Variants in ZFC3H1 observed in about 807,000 individuals in gnomAD.
ZFC3H1 encodes zinc finger C3H1 domain-containing protein.
ZFC3H1 carries 71 observed loss-of-function variants against 243.7 expected under a neutral mutation model. The ratio of observed to expected loss-of-function variants is 0.29; its 90% CI spans 0.24 to 0.36. The LOEUF is 0.36. ZFC3H1 is among the 10% of genes least tolerant of loss of function. The pLI is 1.00. For synonymous variants in ZFC3H1, 838 were observed against 813.0 expected, an observed-to-expected ratio of 1.03 and a Z score of -0.52; for missense variants, 1,966 against 2,317.1, an observed-to-expected ratio of 0.85 and a Z score of 3.11.
rs1880435255 is a variant in ZFC3H1, at chr12:71,635,442, C to T, written c.2238+1G>A. On this transcript the variant is annotated splice_donor_variant, in intron 10 of 34. Coordinates refer to ENST00000378743, the MANE Select transcript of ZFC3H1 (RefSeq NM_144982.5). LOFTEE classifies it high-confidence loss of function. ...TTTCCACCTTTAATTATTGCACTTA[C>T]CTCAGCAGTTCGTCTTGCTTCTTTA... 6.4e-7 allele frequency: 1 copy of T among 1,572,106 alleles called. No homozygotes were observed. The highest frequency in any genetic ancestry group is 8.6e-7 in the Non-Finnish European group (1 of 1,165,678).
At chr12:71,642,779 G>C (rs368653520) in intron 5 of ZFC3H1, among the ~76,000 whole-genome samples, 1 of 152,162 alleles carries the variant, frequency 6.6e-6, no homozygotes, top group East Asian at 1.9e-4. Context: ...TCCAAAGTAC[G>C]AGCTATACAG....
At chr12:71,633,506 T>A in intron 12 of ZFC3H1, 68 bp from the exon 13 acceptor site, 2 of 1,331,112 alleles carry the variant, frequency 1.5e-6, no homozygotes, top group Non-Finnish European at 2.0e-6. Flanking sequence ...AATAAAAAAA[T>A]TTTCAAAGTA....
chr12:71,642,649 G>A, intron 5 of ZFC3H1, 90 bp from the exon 6 acceptor site: 2 of 1,430,328 alleles, frequency 1.4e-6, no homozygotes, highest in East Asian at 2.3e-5. Context: ...CTATGGAAGA[G>A]TATCAAAAAT....
At chr12:71,627,304 A>G (rs1880194552) in intron 21 of ZFC3H1, among the ~76,000 whole-genome samples, 1 of 152,200 alleles carries the variant, frequency 6.6e-6, no homozygotes, top group Non-Finnish European at 1.5e-5. Context: ...TGACAGAGAC[A>G]GAAAGAAAAT....
chr12:71,613,077 G>A (rs1038068408), intron 31 of ZFC3H1, among the ~76,000 whole-genome samples: 1 of 152,140 alleles, frequency 6.6e-6, no homozygotes, highest in Non-Finnish European at 1.5e-5. Context: ...TGTGTGTTTA[G>A]GGAACACAGA....
chr12:71,639,023 T>C (rs1880536521), intron 6 of ZFC3H1, among the ~76,000 whole-genome samples: 1 of 152,070 alleles, frequency 6.6e-6, no homozygotes, highest in African/African-American at 2.4e-5. Flanking sequence ...TGAGAAGAAT[T>C]ACTTAGTGTA....
intron 6 of ZFC3H1, among the ~76,000 whole-genome samples, chr12:71,638,817 A>T (rs945647051): frequency 1.3e-5 from 2 of 151,946 alleles, no homozygotes; most frequent in Non-Finnish European, 2.9e-5. Flanking sequence ...AACATACTTT[A>T]AAAAAACAAA....
chr12:71,653,394 A>C (rs1240444936), intron 2 of ZFC3H1, among the ~76,000 whole-genome samples: 1 of 152,232 alleles, frequency 6.6e-6, no homozygotes. Flanking sequence ...GAGACATGAA[A>C]GATAAAGTAT....
intron 28 of ZFC3H1, 62 bp downstream of exon 28, chr12:71,615,144 T>C (rs1879863397): frequency 7.4e-7 from 1 of 1,344,284 alleles, no homozygotes. Flanking sequence ...CACAGTGTAA[T>C]TCAGTAATAA....
intron 20 of ZFC3H1, among the ~76,000 whole-genome samples, chr12:71,628,333 T>C (rs761792106): frequency 6.6e-6 from 1 of 152,214 alleles, no homozygotes; most frequent in Non-Finnish European, 1.5e-5. Flanking sequence ...TTCTACTATA[T>C]CTAAACTAGA....
rs772116936 is a variant in ZFC3H1, at chr12:71,614,815, CAAG to C, written c.5360+16_5360+18del. 1.2e-6 allele frequency: 2 copies of C among 1,608,968 alleles called. No individual in the cohort carries two copies. Among genetic ancestry groups the C allele is most frequent in the South Asian group, 2.2e-5 (2 of 90,308 alleles). On this transcript the variant is annotated intron_variant, in intron 29 of 34. Coordinates refer to ENST00000378743, the MANE Select transcript of ZFC3H1 (RefSeq NM_144982.5). ...CTTTATCCCCAAATCTCATTCTTAT[CAAG>C]AAAACCTAAACTTACTCCATCCATA... is the stretch of plus-strand genomic sequence containing the variant.
At chr12:71,621,925 T>C (rs1357310643) in intron 24 of ZFC3H1, among the ~76,000 whole-genome samples, 2 of 152,148 alleles carry the variant, frequency 1.3e-5, no homozygotes, top group Non-Finnish European at 2.9e-5. Context: ...TTGGTTTTCC[T>C]ACCATTGGTA....
intron 19 of ZFC3H1, 108 bp downstream of exon 19, chr12:71,629,501 C>A: frequency 1.4e-6 from 1 of 718,260 alleles, no homozygotes; most frequent in Non-Finnish European, 2.3e-6. Context: ...AACATAATAC[C>A]AACAAAATTT....
Position 71,635,652 on chromosome 12 carries a change from C to T in ZFC3H1, c.2101-72G>A, listed in dbSNP as rs1472398909. The T allele has an allele frequency of 6.3e-6, 9 of 1,431,760 alleles. No individual in the cohort carries two copies. In the Middle Eastern group the frequency reaches 9.1e-4, roughly 145 times the overall value. 88.7% of individuals were successfully genotyped at this position (1,431,760 alleles called of 1,614,324 possible). A position where few individuals can be genotyped will look rare whatever the true frequency, so the allele number is the denominator to read the frequency against. On this transcript the variant is annotated intron_variant, in intron 9 of 34. Coordinates refer to ENST00000378743, the MANE Select transcript of ZFC3H1 (RefSeq NM_144982.5). ...TTTAACCTTGTTCAATTTCAATCCA[C>T]AAAAATAATGGGCTCCAAGTAGACA...
At chr12:71,647,953 A>G in intron 2 of ZFC3H1, 140 bp from the exon 3 acceptor site, 4 of 397,708 alleles carry the variant, frequency 1.0e-5, no homozygotes, top group Non-Finnish European at 1.3e-5. Flanking sequence ...AACCAAAAGG[A>G]AATACCATTA....
At chr12:71,640,532 G>C (rs1004974145) in intron 6 of ZFC3H1, among the ~76,000 whole-genome samples, 2 of 152,188 alleles carry the variant, frequency 1.3e-5, no homozygotes, top group Non-Finnish European at 2.9e-5. Flanking sequence ...TGGTGCTCAA[G>C]GTATTTGCAG....
chr12:71,662,592 A>G (rs1565834447), intron 1 of ZFC3H1, among the ~76,000 whole-genome samples: 1 of 151,850 alleles, frequency 6.6e-6, no homozygotes, highest in East Asian at 1.9e-4. Flanking sequence ...AAACTTTACA[A>G]TTTTCAACGT....
At chr12:71,627,387 C>T (rs971151736) in intron 21 of ZFC3H1, among the ~76,000 whole-genome samples, 1 of 152,078 alleles carries the variant, frequency 6.6e-6, no homozygotes, top group African/African-American at 2.4e-5. Flanking sequence ...ACCTGTTCCA[C>T]CATTATTTTA....
At chr12:71,645,100 A>T in intron 3 of ZFC3H1, 25 bp from the exon 4 acceptor site, 1 of 1,552,234 alleles carries the variant, frequency 6.4e-7, no homozygotes, top group East Asian at 2.3e-5. Context: ...GAAAGAGCTA[A>T]AATTTTTTAA....
Sources: gnomAD v4.1 joint callset for allele counts (sites outside exome capture counted in the v4.1 genomes callset) on GRCh38, gnomAD v4.1.1 for gene constraint, MANE v1.5 for transcripts, NCBI Gene and HGNC (gene_info 2026-07-23, HGNC 2026-07-21) for gene names.